TAF12: variants seen among roughly 807,000 people sequenced by gnomAD.
TAF12 encodes the protein TATA-box binding protein associated factor 12, also known as transcription initiation factor TFIID subunit 12.
A neutral mutation model predicts 20.8 loss-of-function variants in TAF12; 3 were observed. The observed-to-expected ratio is 0.14, with a 90% CI of 0.07 to 0.37. TAF12 has a LOEUF of 0.37. Among genes scored for constraint, TAF12 ranks in the 10% least tolerant of loss-of-function variants. The probability of loss-of-function intolerance (pLI) is 1.00; values close to 1 mark genes in which losing one functional copy is unlikely to be tolerated. For missense variants in TAF12, 131 were observed against 197.9 expected (o/e 0.66, Z 2.03); for synonymous variants, 69 against 70.2 (o/e 0.98, Z 0.09).
At chr1:28,638,592 T>C (rs1667924061) in intron 1 of TAF12, among the ~76,000 whole-genome samples, 1 of 151,522 alleles carries the variant, frequency 6.6e-6, no homozygotes, top group Admixed American at 6.6e-5. Flanking sequence ...TTCCAGCGAT[T>C]GTCCTGCCTT....
chr1:28,644,623 T>C (rs1372179575), upstream of TAF12, among the ~76,000 whole-genome samples: 1 of 152,164 alleles, frequency 6.6e-6, no homozygotes, highest in Non-Finnish European at 1.5e-5. Flanking sequence ...AACAGACCAT[T>C]AGCAACTGCA....
upstream of TAF12, among the ~76,000 whole-genome samples, chr1:28,646,553 C>T (rs1025468880): frequency 1.6e-4 from 25 of 151,878 alleles, no homozygotes; most frequent in South Asian, 2.3e-3. Context: ...TTTTTTGAGA[C>T]GGAGTTCGCT....
At chr1:28,628,247 T>G (rs1667498687) in intron 1 of TAF12, among the ~76,000 whole-genome samples, 5 of 73,858 alleles carry the variant, frequency 6.8e-5, no homozygotes, top group East Asian at 3.7e-4. Flanking sequence ...GGGGGGCGCC[T>G]GTAATCCCTT....
chr1:28,614,863 G>C (rs1449612308), intron 3 of TAF12, among the ~76,000 whole-genome samples: 2 of 152,114 alleles, frequency 1.3e-5, no homozygotes, highest in East Asian at 1.9e-4. Flanking sequence ...CCACCACTTC[G>C]GGAGGCCGAG....
chr1:28,624,061 T>C, intron 1 of TAF12: 1 of 975,634 alleles, frequency 1.0e-6, no homozygotes. Flanking sequence ...TCAAGCACCA[T>C]CCTTGCCATG....
intron 1 of TAF12, among the ~76,000 whole-genome samples, chr1:28,640,348 G>A (rs1272715809): frequency 2.0e-5 from 3 of 152,148 alleles, no homozygotes; most frequent in African/African-American, 7.2e-5. Flanking sequence ...AGGAGGAGAT[G>A]CTTTCATTCA....
At chr1:28,625,537 A>ATTT (rs753920655) in intron 1 of TAF12, among the ~76,000 whole-genome samples, 26 of 133,398 alleles carry the variant, frequency 1.9e-4, no homozygotes, top group African/African-American at 2.9e-4. Context: ...CACCCAGCTA[A>ATTT]TTTTTTTTTT....
In TAF12 at chr1:28,603,265, C is replaced by T. The variant is rs1485596275; in HGVS notation, c.*274G>A. 5 of 461,192 alleles carry T rather than the reference C, an allele frequency of 1.1e-5. No homozygotes were observed. The South Asian group carries it at 1.5e-4, about 14-fold the overall frequency. 28.6% of individuals were successfully genotyped at this position (461,192 alleles called of 1,614,324 possible). A position where few individuals can be genotyped will look rare whatever the true frequency, so the allele number is the denominator to read the frequency against. On this transcript the variant is annotated 3_prime_UTR_variant, in exon 6 of 6. Transcript: ENST00000373824. ...AGACCATAATGCTTTGTCCCATATT[C>T]AGTCACTTATATAATAAACCACAAA... is the stretch of plus-strand genomic sequence containing the variant.
intron 2 of TAF12, among the ~76,000 whole-genome samples, chr1:28,618,554 T>C (rs923951026): frequency 2.0e-5 from 3 of 150,344 alleles, no homozygotes; most frequent in African/African-American, 7.3e-5. Context: ...TTTTTTTTTT[T>C]TTTGAGAGAC....
chr1:28,620,376 G>T (rs759288091), intron 2 of TAF12, among the ~76,000 whole-genome samples: 1 of 151,800 alleles, frequency 6.6e-6, no homozygotes, highest in Non-Finnish European at 1.5e-5. Flanking sequence ...TTGGGTTATC[G>T]CCTGCCTTGG....
At chr1:28,641,577 T>C (rs1468642286) in intron 1 of TAF12, among the ~76,000 whole-genome samples, 3 of 152,102 alleles carry the variant, frequency 2.0e-5, no homozygotes, top group Non-Finnish European at 2.9e-5. Context: ...GAGGATCACT[T>C]GAGCTTAGGA....
chr1:28,607,876 C>T (rs1666720107), intron 4 of TAF12, among the ~76,000 whole-genome samples: 1 of 152,016 alleles, frequency 6.6e-6, no homozygotes, highest in Non-Finnish European at 1.5e-5. Flanking sequence ...ATGATTCACA[C>T]CTGTAATCCC....
At chr1:28,603,648 C>G in intron 5 of TAF12, 74 bp from the exon 6 acceptor site, 1 of 1,509,294 alleles carries the variant, frequency 6.6e-7, no homozygotes, top group Non-Finnish European at 9.2e-7. Context: ...TTCTGTGTGG[C>G]TAGCAGGCCT....
At chr1:28,620,408 C>T (rs1269272678) in intron 2 of TAF12, among the ~76,000 whole-genome samples, 1 of 151,664 alleles carries the variant, frequency 6.6e-6, no homozygotes, top group African/African-American at 2.4e-5. Flanking sequence ...GCTGGGATTA[C>T]AGGCGTGAGC....
chr1:28,628,148 T>C (rs1667482563), intron 1 of TAF12, among the ~76,000 whole-genome samples: 1 of 144,182 alleles, frequency 6.9e-6, no homozygotes, highest in Admixed American at 7.7e-5. Flanking sequence ...AAACCTGAGC[T>C]CGAGACCAGC....
chr1:28,616,023 T>TA (rs1168101455), intron 3 of TAF12, among the ~76,000 whole-genome samples: 1 of 152,186 alleles, frequency 6.6e-6, no homozygotes, highest in African/African-American at 2.4e-5. Flanking sequence ...AGCTAGTTGT[T>TA]AAACATTTAC....
At chr1:28,641,252 C>A (rs982935300) in intron 1 of TAF12, among the ~76,000 whole-genome samples, 1 of 151,916 alleles carries the variant, frequency 6.6e-6, no homozygotes, top group Non-Finnish European at 1.5e-5. Flanking sequence ...GAGGCTGAGG[C>A]GGGCGGATCA....
intron 4 of TAF12, among the ~76,000 whole-genome samples, chr1:28,608,387 G>A (rs1666741797): frequency 6.6e-6 from 1 of 151,738 alleles, no homozygotes; most frequent in South Asian, 2.1e-4. Flanking sequence ...GGAGGTTGCA[G>A]ACAAAGGTTA....
intron 5 of TAF12, 99 bp from the exon 6 acceptor site, chr1:28,603,673 T>C (rs990159046): frequency 2.4e-6 from 3 of 1,261,344 alleles, no homozygotes; most frequent in East Asian, 2.3e-5. Context: ...GTCTACACTG[T>C]AGGCCGCAGC....
Sources: allele counts gnomAD v4.1 joint callset (sites outside exome capture counted in the v4.1 genomes callset), GRCh38; gene constraint gnomAD v4.1.1; transcripts MANE v1.5; gene names NCBI Gene and HGNC (gene_info 2026-07-23, HGNC 2026-07-21).